The following SEMA3E variants were observed in gnomAD, a reference collection of about 807,000 sequenced individuals.
SEMA3E encodes semaphorin 3E, also known as semaphorin-3E.
Under a neutral mutation model 93.6 loss-of-function variants are expected in SEMA3E, and 49 were observed. The observed-to-expected ratio is 0.52, with a 90% confidence interval of 0.42 to 0.66. SEMA3E has a LOEUF of 0.66. SEMA3E is among the 30% of genes least tolerant of loss of function. SEMA3E has a pLI of 0.00. For missense variants in SEMA3E, 906 were observed against 964.8 expected, an observed-to-expected ratio of 0.94 and a Z score of 0.81; for synonymous variants, 363 against 330.7, an observed-to-expected ratio of 1.10 and a Z score of -1.06.
chr7:83,576,145 A>G (rs981606663), intron 1 of SEMA3E, among the ~76,000 whole-genome samples: 3 of 152,186 alleles, frequency 2.0e-5, no homozygotes, highest in African/African-American at 7.2e-5. Flanking sequence ...CAACTATCCA[A>G]AGGTTTGTTT....
At chr7:83,497,756 A>G (rs1193061992) in intron 1 of SEMA3E, among the ~76,000 whole-genome samples, 3 of 152,194 alleles carry the variant, frequency 2.0e-5, no homozygotes, top group African/African-American at 7.2e-5. Context: ...TCTTTCATGC[A>G]GTCTTTGAAC....
intron 4 of SEMA3E, among the ~76,000 whole-genome samples, chr7:83,424,247 A>C (rs1788726615): frequency 6.6e-6 from 1 of 152,222 alleles, no homozygotes; most frequent in Non-Finnish European, 1.5e-5. Flanking sequence ...TTTGAAGACT[A>C]TAATATTTGT....
chr7:83,620,362 A>C (rs1793525076), intron 1 of SEMA3E, among the ~76,000 whole-genome samples: 1 of 152,078 alleles, frequency 6.6e-6, no homozygotes, highest in Non-Finnish European at 1.5e-5. Context: ...TGTTTAACCT[A>C]CCAACCAAAA....
chr7:83,413,508 A>G (rs1336138442), intron 5 of SEMA3E, among the ~76,000 whole-genome samples: 2 of 152,306 alleles, frequency 1.3e-5, no homozygotes, highest in Admixed American at 6.5e-5. Flanking sequence ...CAGAATCACT[A>G]TGACATGCAT....
chr7:83,403,265 G>T (rs767366226), intron 9 of SEMA3E, among the ~76,000 whole-genome samples: 27 of 151,812 alleles, frequency 1.8e-4, no homozygotes, highest in Non-Finnish European at 3.4e-4. Context: ...AAAATTTAAA[G>T]TCTTATGAAA....
intron 1 of SEMA3E, among the ~76,000 whole-genome samples, chr7:83,492,310 T>C (rs1790403234): frequency 6.6e-6 from 1 of 151,952 alleles, no homozygotes; most frequent in Non-Finnish European, 1.5e-5. Flanking sequence ...TGAATCCATC[T>C]AGGGATGACC....
In SEMA3E at chr7:83,538,390, A is replaced by G. The variant is rs543162169; in HGVS notation, c.116-48116T>C. ...GATTCTAATGATTATAGCAGGCATG[A>G]GGTGTATCTTATTATAGTTTTGATT... On this transcript the variant is annotated intron_variant, in intron 1 of 16. Transcript: ENST00000643230. Among the ~76,000 whole-genome samples the G allele has an allele frequency of 1.9e-4, 29 of 152,214 alleles. No homozygotes were observed. The East Asian group carries it at 5.6e-3, about 29-fold the overall frequency.
intron 15 of SEMA3E, 136 bp downstream of exon 15, chr7:83,386,847 G>A (rs1787892452): frequency 1.2e-6 from 1 of 817,692 alleles, no homozygotes; most frequent in African/African-American, 1.7e-5. Context: ...CTACATGTCA[G>A]AGAAAAAGAA....
At chr7:83,458,371 T>A (rs1246800006) in intron 4 of SEMA3E, among the ~76,000 whole-genome samples, 1 of 151,818 alleles carries the variant, frequency 6.6e-6, no homozygotes, top group Non-Finnish European at 1.5e-5. Flanking sequence ...TAAAAACTTC[T>A]AGAAGGCACT....
At chr7:83,475,144 A>T (rs1446492117) in intron 2 of SEMA3E, among the ~76,000 whole-genome samples, 1 of 151,956 alleles carries the variant, frequency 6.6e-6, no homozygotes, top group African/African-American at 2.4e-5. Flanking sequence ...ATAACTTACG[A>T]GATATAGGCT....
At chr7:83,632,782 A>G (rs1448185034) in intron 1 of SEMA3E, among the ~76,000 whole-genome samples, 1 of 152,204 alleles carries the variant, frequency 6.6e-6, no homozygotes, top group Non-Finnish European at 1.5e-5. Context: ...AAATATGGAA[A>G]ATGATTTGAG....
rs1281801568 is a variant in SEMA3E at position 83,449,901 on chromosome 7, A to T, written c.456+16581T>A. ...TTATTTTCTGTATGCTGAGTATTGA[A>T]TTGGATATTTTATACTTGCTCCCTC... is the stretch of plus-strand genomic sequence containing the variant. On this transcript the variant is annotated intron_variant, in intron 4 of 16. Coordinates refer to ENST00000643230, the MANE Select transcript of SEMA3E (RefSeq NM_012431.3). Among the ~76,000 whole-genome samples the T allele has an allele frequency of 2.6e-5, 4 of 152,170 alleles. No individual in the cohort carries two copies. In the East Asian group the frequency reaches 5.8e-4, roughly 22 times the overall value.
In SEMA3E at chr7:83,418,415, G is replaced by A; in HGVS notation, c.525C>T (p.Ser175=). Residue 175 remains serine, a synonymous_variant, in exon 5 of 17, where the codon AGC becomes AGT. Coordinates refer to ENST00000643230, the MANE Select transcript of SEMA3E (RefSeq NM_012431.3). The part of the protein sequence containing the change: ...RGRGRCPFDP[S]SSFISTLIGS... ...CAATTAAAGTGGAGATGAAGGAGGA[G>A]CTGGGGTCAAAAGGACATCTGCCCC... The A allele has an allele frequency of 1.2e-6, 2 of 1,611,660 alleles. No individual in the cohort carries two copies. Among genetic ancestry groups the A allele is most frequent in the Non-Finnish European group, 1.7e-6 (2 of 1,178,706 alleles).
chr7:83,507,422 CTCTG>C lies in SEMA3E; in HGVS notation c.116-17152_116-17149del, dbSNP rs1162239539. ...TGGGATTTATCACTTCAAAACAGAACTCTGTGTGTGTGTGTGTGTGTGTGTGTGT... is the reference window on the plus strand; with the variant it reads ...TGGGATTTATCACTTCAAAACAGAACTGTGTGTGTGTGTGTGTGTGTGTGT... On this transcript the variant is annotated intron_variant, in intron 1 of 16. Coordinates refer to ENST00000643230, the MANE Select transcript of SEMA3E (RefSeq NM_012431.3). 5.9e-5 allele frequency among the ~76,000 whole-genome samples: 6 copies of C among 102,426 alleles called. 1 individual carries two copies. Among genetic ancestry groups the C allele is most frequent in the East Asian group, 6.8e-4 (2 of 2,950 alleles). The allele number at this position is 102,426 out of a possible 152,430, so 67.2% of individuals were successfully genotyped here.
At chr7:83,426,848 A>G (rs941671682) in intron 4 of SEMA3E, among the ~76,000 whole-genome samples, 5 of 152,032 alleles carry the variant, frequency 3.3e-5, no homozygotes, top group African/African-American at 1.2e-4. Context: ...AGTAAAACTG[A>G]TTAGATTAGT....
In SEMA3E at chr7:83,618,722, A is replaced by T. The variant is rs964072994; in HGVS notation, c.115+29706T>A. Among the ~76,000 whole-genome samples, 7 of 151,994 alleles carry T rather than the reference A, an allele frequency of 4.6e-5. No homozygotes were observed. In the East Asian group the frequency reaches 1.3e-3, roughly 29 times the overall value. On this transcript the variant is annotated intron_variant, in intron 1 of 16. Coordinates refer to ENST00000643230, the MANE Select transcript of SEMA3E (RefSeq NM_012431.3). ...TGTCAATATAAAAGACAGTTCAACT[A>T]GGTATTCAAGAGAAAGTGAACATAA...
At chr7:83,514,060 C>A (rs1410295263) in intron 1 of SEMA3E, among the ~76,000 whole-genome samples, 1 of 152,084 alleles carries the variant, frequency 6.6e-6, no homozygotes, top group Admixed American at 6.6e-5. Flanking sequence ...CTACCAAAAC[C>A]AAGATCGCCA....
At chr7:83,461,207 CTG>C in intron 4 of SEMA3E, among the ~76,000 whole-genome samples, 1 of 152,278 alleles carries the variant, frequency 6.6e-6, no homozygotes, top group African/African-American at 2.4e-5. Context: ...TTCCTAGTCT[CTG>C]TGCCCAGTGC....
intron 1 of SEMA3E, among the ~76,000 whole-genome samples, chr7:83,537,666 C>G (rs1430417642): frequency 6.6e-6 from 1 of 152,136 alleles, no homozygotes; most frequent in Non-Finnish European, 1.5e-5. Context: ...TCCTGCTTCT[C>G]AATCTTTCTT....
Sources: allele counts gnomAD v4.1 joint callset (sites outside exome capture counted in the v4.1 genomes callset), GRCh38; gene constraint gnomAD v4.1.1; transcripts MANE v1.5; gene names NCBI Gene and HGNC (gene_info 2026-07-23, HGNC 2026-07-21).